Variants in STAU2 observed in about 807,000 individuals in gnomAD.
The protein encoded by STAU2 is double-stranded RNA-binding protein Staufen homolog 2.
A neutral mutation model predicts 65.9 loss-of-function variants in STAU2; 20 were observed. The ratio of observed to expected loss-of-function variants is 0.30; its 90% CI spans 0.21 to 0.44. STAU2 has a LOEUF of 0.44. STAU2 is among the 20% of genes least tolerant of loss of function. The pLI is 1.00. For missense variants in STAU2, 558 were observed against 683.9 expected, an observed-to-expected ratio of 0.82 and a Z score of 2.05; for synonymous variants, 232 against 233.9, an observed-to-expected ratio of 0.99 and a Z score of 0.07.
At chr8:73,550,422 T>C (rs1807251687) in intron 13 of STAU2, 3 of 985,396 alleles carry the variant, frequency 3.0e-6, no homozygotes, top group Non-Finnish European at 3.6e-6. Context: ...TTACAGCTAC[T>C]GTAACAACAG....
intron 13 of STAU2, among the ~76,000 whole-genome samples, chr8:73,510,527 T>C (rs1386784974): frequency 6.6e-6 from 1 of 152,204 alleles, no homozygotes; most frequent in Non-Finnish European, 1.5e-5. Context: ...ATTAGTCCAT[T>C]CTCACACTGC....
intron 11 of STAU2, among the ~76,000 whole-genome samples, chr8:73,594,620 T>A (rs1811054439): frequency 6.6e-6 from 1 of 152,278 alleles, no homozygotes; most frequent in African/African-American, 2.4e-5. Context: ...TTGTAACAGA[T>A]GTAGGTGTTA....
intron 13 of STAU2, among the ~76,000 whole-genome samples, chr8:73,513,631 T>C (rs1489956979): frequency 1.3e-5 from 2 of 152,162 alleles, no homozygotes. Flanking sequence ...CCTATCACTG[T>C]GCCATTTTCC....
chr8:73,675,330 A>G (rs939806549), intron 5 of STAU2, among the ~76,000 whole-genome samples: 45 of 150,932 alleles, frequency 3.0e-4, no homozygotes, highest in African/African-American at 1.0e-3. Flanking sequence ...GAATGCCTGC[A>G]TGAAAAAGTC....
At chr8:73,541,147 C>A (rs1325922156) in intron 13 of STAU2, among the ~76,000 whole-genome samples, 1 of 152,108 alleles carries the variant, frequency 6.6e-6, no homozygotes, top group African/African-American at 2.4e-5. Context: ...GAATGCAGCT[C>A]AAATGATTGA....
intron 13 of STAU2, among the ~76,000 whole-genome samples, chr8:73,534,681 T>C (rs1195664008): frequency 2.0e-5 from 3 of 152,226 alleles, no homozygotes; most frequent in Admixed American, 2.0e-4. Flanking sequence ...TTATTGAAAG[T>C]AATATTAAAG....
chr8:73,602,513 A>G (rs1811707021), intron 10 of STAU2, among the ~76,000 whole-genome samples: 1 of 152,202 alleles, frequency 6.6e-6, no homozygotes, highest in Non-Finnish European at 1.5e-5. Flanking sequence ...GTTTAAGACT[A>G]GCCTGGGCTA....
chr8:73,428,502 C>A (rs1817003541), intron 13 of STAU2, among the ~76,000 whole-genome samples: 1 of 152,042 alleles, frequency 6.6e-6, no homozygotes, highest in South Asian at 2.1e-4. Flanking sequence ...AGTGCTGGAT[C>A]CCAAAAGCAC....
chr8:73,581,487 G>A (rs925301233), intron 12 of STAU2, among the ~76,000 whole-genome samples: 5 of 152,238 alleles, frequency 3.3e-5, no homozygotes, highest in East Asian at 3.9e-4. Flanking sequence ...CATTCATTAC[G>A]TGCTTACTAG....
chr8:73,654,663 A>AAAAAAAAAAAAAAT (rs1280392351), intron 6 of STAU2, among the ~76,000 whole-genome samples: 1 of 135,562 alleles, frequency 7.4e-6, no homozygotes, highest in African/African-American at 2.6e-5. Context: ...AAAAAAAAAG[A>AAAAAAAAAAAAAAT]ACTCTTTTAA....
At position 73,612,762 on chromosome 8, in the gene STAU2, T is replaced by C. The variant is rs574734499; in HGVS notation, c.891+982A>G. 3.2e-4 allele frequency among the ~76,000 whole-genome samples: 49 copies of C among 152,336 alleles called. No homozygotes were observed. In the South Asian group the frequency reaches 9.1e-3, roughly 28 times the overall value. On this transcript the variant is annotated intron_variant, in intron 9 of 14. Transcript: ENST00000524300. The stretch of plus-strand genomic sequence containing the variant: ...CCATTGTGCAATCAAAAGAAATCCA[T>C]TGAGATTAAATATATTTCTTATCTG...
chr8:73,584,453 A>T (rs1002334679), intron 11 of STAU2, among the ~76,000 whole-genome samples: 1 of 152,236 alleles, frequency 6.6e-6, no homozygotes, highest in Non-Finnish European at 1.5e-5. Flanking sequence ...TCTCATTTTC[A>T]TCCTCACAAA....
chr8:73,638,971 A>AC (rs1814760194), intron 6 of STAU2, among the ~76,000 whole-genome samples: 1 of 152,084 alleles, frequency 6.6e-6, no homozygotes, highest in African/African-American at 2.4e-5. Flanking sequence ...TTCTGAAAAC[A>AC]TAAAAAACTG....
chr8:73,450,471 A>C (rs1438810613), intron 13 of STAU2, among the ~76,000 whole-genome samples: 1 of 152,198 alleles, frequency 6.6e-6, no homozygotes, highest in Non-Finnish European at 1.5e-5. Context: ...CAAGGAGAGG[A>C]AACTAAAGAC....
At chr8:73,713,481 G>A (rs1821037494) in intron 3 of STAU2, among the ~76,000 whole-genome samples, 1 of 152,072 alleles carries the variant, frequency 6.6e-6, no homozygotes, top group South Asian at 2.1e-4. Context: ...CTATAATAAG[G>A]CTGTTACAAA....
intron 3 of STAU2, among the ~76,000 whole-genome samples, chr8:73,715,207 G>C (rs909974060): frequency 6.6e-6 from 1 of 151,710 alleles, no homozygotes; most frequent in Non-Finnish European, 1.5e-5. Context: ...ATAATTTCTT[G>C]AGTAAATATA....
intron 6 of STAU2, among the ~76,000 whole-genome samples, chr8:73,620,229 T>C (rs960687443): frequency 1.3e-5 from 2 of 152,216 alleles, no homozygotes; most frequent in Non-Finnish European, 2.9e-5. Context: ...CTGGTGGTAC[T>C]ATAAAACTTT....
intron 13 of STAU2, among the ~76,000 whole-genome samples, chr8:73,546,624 A>G (rs1037473176): frequency 1.3e-5 from 2 of 152,178 alleles, no homozygotes; most frequent in African/African-American, 4.8e-5. Flanking sequence ...TTGAGTATGC[A>G]AAAATCTTTT....
At chr8:73,606,981 T>C (rs537515345) in intron 9 of STAU2, among the ~76,000 whole-genome samples, 2 of 150,530 alleles carry the variant, frequency 1.3e-5, no homozygotes, top group South Asian at 2.1e-4. Flanking sequence ...AAAAAAAGAG[T>C]GGTTTCTCGG....
Sources: gnomAD v4.1 joint callset for allele counts (sites outside exome capture counted in the v4.1 genomes callset) on GRCh38, gnomAD v4.1.1 for gene constraint, MANE v1.5 for transcripts, NCBI Gene and HGNC (gene_info 2026-07-23, HGNC 2026-07-21) for gene names.